The following VPS26B variants were observed in gnomAD, a reference collection of about 807,000 sequenced individuals.
VPS26B encodes VPS26 retromer complex component B.
Under a neutral mutation model 33.3 loss-of-function variants are expected in VPS26B, and 10 were observed. That is an observed-to-expected ratio of 0.30 (90% CI 0.19 to 0.51). VPS26B has a LOEUF of 0.51. Among genes scored for constraint, VPS26B ranks in the 20% least tolerant of loss-of-function variants. The pLI is 0.98. For synonymous variants in VPS26B, 190 were observed against 176.9 expected (o/e 1.07, Z -0.59); for missense variants, 317 against 452.7 (o/e 0.70, Z 2.72).
In VPS26B at chr11:134,225,227, G is replaced by T; in HGVS notation, c.105G>T (p.Glu35Asp). ...AEHKTEDGKK[E>D]KYFLFYDGET... ...ACAAGACGGAGGACGGGAAGAAGGA[G>T]AAATATTTCCTCTTCTACGACGGGG... The change falls in exon 1 of 6, where the codon GAG (glutamate) becomes GAT (aspartate). Residue 35 changes from glutamate (E) to aspartate (D), a missense_variant. Coordinates refer to ENST00000281187, the MANE Select transcript of VPS26B (RefSeq NM_052875.5). The T allele has an allele frequency of 6.2e-7, 1 of 1,614,174 alleles. No individual in the cohort carries two copies. Among genetic ancestry groups the T allele is most frequent in the East Asian group, 2.2e-5 (1 of 44,874 alleles).
At chr11:134,225,394 G>A (rs1771732771) in intron 1 of VPS26B, 49 bp downstream of exon 1, 2 of 1,591,062 alleles carry the variant, frequency 1.3e-6, no homozygotes, top group African/African-American at 2.7e-5. Flanking sequence ...AGCCGGCCGG[G>A]GAGCAGGGTG....
chr11:134,228,833 A>G (rs950047029), intron 1 of VPS26B, among the ~76,000 whole-genome samples: 6 of 152,032 alleles, frequency 3.9e-5, no homozygotes, highest in African/African-American at 1.2e-4. Context: ...TTCTTTGACT[A>G]TGTGTGAGAT....
intron 2 of VPS26B, among the ~76,000 whole-genome samples, chr11:134,237,214 A>G (rs1264210367): frequency 1.3e-5 from 2 of 152,218 alleles, no homozygotes; most frequent in Non-Finnish European, 1.5e-5. Flanking sequence ...GTCCATATGT[A>G]GCATTTGGTG....
chr11:134,225,179 A>C lies in VPS26B; in HGVS notation c.57A>C (p.Ala19=), dbSNP rs1378808831. The C allele has an allele frequency of 1.2e-6, 2 of 1,614,060 alleles. No homozygotes were observed. Among genetic ancestry groups the C allele is most frequent in the Admixed American group, 3.3e-5 (2 of 60,026 alleles). The change falls in exon 1 of 6, where the codon GCA becomes GCC. Residue 19 remains alanine, a synonymous_variant. Coordinates refer to ENST00000281187, the MANE Select transcript of VPS26B (RefSeq NM_052875.5). The stretch of plus-strand genomic sequence containing the variant: ...AGGTGGAAATCCTTCTGAACGATGC[A>C]GAGAGTAGGAAGCGGGCCGAGCACA... ...SVEVEILLND[A]ESRKRAEHKT...
At chr11:134,225,520 C>T (rs1174079299) in intron 1 of VPS26B, 175 bp downstream of exon 1, 2 of 675,836 alleles carry the variant, frequency 3.0e-6, no homozygotes. Flanking sequence ...CGTTACTGTC[C>T]TCCCTGCCAA....
rs1432918357 is a variant in VPS26B at position 134,247,336 on chromosome 11, C to T, written c.*1746C>T. 6.6e-6 allele frequency: 1 copy of T among 152,156 alleles called. No individual in the cohort carries two copies. The highest frequency in any genetic ancestry group is 2.4e-5 in the African/African-American group (1 of 41,432). The allele number at this position is 152,156 out of a possible 1,614,324, so 9.4% of individuals were successfully genotyped here. A position where few individuals can be genotyped will look rare whatever the true frequency, so the allele number is the denominator to read the frequency against. On this transcript the variant is annotated 3_prime_UTR_variant, in exon 6 of 6. Transcript: ENST00000281187. Reference sequence around the variant, plus strand: ...CAGAGCATGAGGTCAGGCTCTGTATCCCTCCTTTTCCTAGCTGATATTCTA... The same window carrying T: ...CAGAGCATGAGGTCAGGCTCTGTATTCCTCCTTTTCCTAGCTGATATTCTA...
At position 134,234,954 on chromosome 11, in the gene VPS26B, C is replaced by T. The variant is rs1938609560; in HGVS notation, c.281C>T (p.Ala94Val). The T allele has an allele frequency of 6.2e-7, 1 of 1,614,142 alleles. No individual in the cohort carries two copies. The highest frequency in any genetic ancestry group is 8.5e-7 in the Non-Finnish European group (1 of 1,180,006). ...TTTGTGTCCCTGGTGAAGGACCTGG[C>T]CCGGCCTGGAGAGATCACCCAGTCG... Reference protein sequence around the residue: ...HEFVSLVKDLARPGEITQSQA... With the variant: ...HEFVSLVKDLVRPGEITQSQA... Residue 94 changes from alanine (A) to valine (V), a missense_variant, in exon 2 of 6, where the codon GCC becomes GTC. Physicochemically the swap from Ala to Val is moderately conservative, Grantham distance 64 (BLOSUM62 0). Transcript: ENST00000281187.
At chr11:134,234,282 T>C (rs1229763034) in intron 1 of VPS26B, among the ~76,000 whole-genome samples, 1 of 152,244 alleles carries the variant, frequency 6.6e-6, no homozygotes, top group Non-Finnish European at 1.5e-5. Flanking sequence ...TCTAAGTCTT[T>C]TACCTACATC....
At chr11:134,225,366 C>T in intron 1 of VPS26B, 21 bp downstream of exon 1, 1 of 1,612,016 alleles carries the variant, frequency 6.2e-7, no homozygotes, top group Non-Finnish European at 8.5e-7. Context: ...CCCCGGGACC[C>T]CCTCCCCCAG....
chr11:134,238,926 A>G (rs1938677447), intron 2 of VPS26B, among the ~76,000 whole-genome samples: 1 of 152,218 alleles, frequency 6.6e-6, no homozygotes, highest in African/African-American at 2.4e-5. Context: ...GTAATGCTTG[A>G]CAGATGGTGG....
intron 1 of VPS26B, among the ~76,000 whole-genome samples, chr11:134,233,808 A>G (rs1267424504): frequency 6.6e-6 from 1 of 152,220 alleles, no homozygotes; most frequent in Non-Finnish European, 1.5e-5. Context: ...CTTATCTTTA[A>G]AGGGCCTGCA....
Position 134,245,032 on chromosome 11 carries a change from C to T in VPS26B, c.816C>T (p.Leu272=). The T allele has an allele frequency of 6.2e-7, 1 of 1,614,186 alleles. No individual in the cohort carries two copies. The highest frequency in any genetic ancestry group is 1.1e-5 in the South Asian group (1 of 91,088). The part of the protein sequence containing the change: ...INKKFSVRYY[L]NLVLIDEEER... ...AGAAGTTCTCTGTGCGCTATTACCT[C>T]AACCTGGTGCTGATAGACGAGGAGG... The change falls in exon 5 of 6, where the codon CTC becomes CTT. Residue 272 remains leucine, a synonymous_variant. Transcript: ENST00000281187. This position sits in a 1 kb window ranked among gnomAD's most constrained non-coding sequence, Gnocchi z 4.7.
chr11:134,226,340 A>G (rs1938470785), intron 1 of VPS26B, among the ~76,000 whole-genome samples: 1 of 152,186 alleles, frequency 6.6e-6, no homozygotes, highest in African/African-American at 2.4e-5. Flanking sequence ...CAGGAGTTCC[A>G]GGCAGCAGTG....
chr11:134,244,985 C>G lies in VPS26B; in HGVS notation c.769C>G (p.Pro257Ala). 1 of 1,614,134 alleles carries G rather than the reference C, an allele frequency of 6.2e-7. No individual in the cohort carries two copies. ...CTTCCTGGCCGGGTATGAGCTCACG[C>G]CCACCATGCGGGACATCAACAAGAA... ...RLFLAGYELT[P>A]TMRDINKKFS... The change falls in exon 5 of 6, where the codon CCC becomes GCC. Residue 257 changes from proline to alanine, a missense_variant. Physicochemically the swap from Pro to Ala is conservative, Grantham distance 27. Transcript: ENST00000281187. The surrounding 1 kb of genome is among the most constrained non-coding windows in gnomAD (Gnocchi z 4.0).
At chr11:134,228,711 A>G (rs1436441827) in intron 1 of VPS26B, among the ~76,000 whole-genome samples, 1 of 152,230 alleles carries the variant, frequency 6.6e-6, no homozygotes, top group Non-Finnish European at 1.5e-5. Context: ...GTTGTGAAGT[A>G]TTTGTGTCAT....
Position 134,225,244 on chromosome 11 carries a change from A to T in VPS26B, c.122A>T (p.Tyr41Phe). 6.2e-7 allele frequency: 1 copy of T among 1,614,114 alleles called. No individual in the cohort carries two copies. ...AAGAAGGAGAAATATTTCCTCTTCT[A>T]CGACGGGGAGACGGTCTCCGGGAAG... ...DGKKEKYFLF[Y>F]DGETVSGKVS... Residue 41 changes from tyrosine (Y) to phenylalanine (F), a missense_variant, in exon 1 of 6, where the codon TAC (tyrosine) becomes TTC (phenylalanine). Coordinates refer to ENST00000281187, the MANE Select transcript of VPS26B (RefSeq NM_052875.5).
At position 134,240,734 on chromosome 11, in the gene VPS26B, G is replaced by A. The variant is rs1296659574; in HGVS notation, c.545+579G>A. Among the ~76,000 whole-genome samples, 1 of 151,860 alleles carries A rather than the reference G, an allele frequency of 6.6e-6. No individual in the cohort carries two copies. Among genetic ancestry groups the A allele is most frequent in the Non-Finnish European group, 1.5e-5 (1 of 68,000 alleles). On this transcript the variant is annotated intron_variant, in intron 3 of 5. Transcript: ENST00000281187. The surrounding 1 kb of genome is among the most constrained non-coding windows in gnomAD (Gnocchi z 4.4). ...CACCTCCGCCCCTACAAGTAGCTAG[G>A]AGCACAGGCATGCACCGCCACACCC...
chr11:134,238,879 AC>A (rs949635172), intron 2 of VPS26B, among the ~76,000 whole-genome samples: 1 of 151,996 alleles, frequency 6.6e-6, no homozygotes, highest in Non-Finnish European at 1.5e-5. Context: ...ACAGGCGTGA[AC>A]CACCGCGCCT....
rs35378544 is a variant in VPS26B at position 134,240,030 on chromosome 11, T to C, written c.420T>C (p.Asp140=). The change falls in exon 3 of 6, where the codon GAT becomes GAC. Residue 140 remains aspartate (D), a synonymous_variant. Transcript: ENST00000281187. The surrounding 1 kb of genome is among the most constrained non-coding windows in gnomAD (Gnocchi z 4.4). ...LRATISRRLN[D]VVKEMDIVVH... is the part of the protein sequence containing the mutation. ...CTACCATCAGCCGCCGCCTCAATGA[T>C]GTTGTCAAAGAGATGGACATTGTAG... The C allele has an allele frequency of 0.038, 60,873 of 1,614,142 alleles. 1,331 individuals carry two copies. The highest frequency in any genetic ancestry group is 0.044 in the African/African-American group (3,311 of 75,010).
Sources: allele counts gnomAD v4.1 joint callset (sites outside exome capture counted in the v4.1 genomes callset), GRCh38; gene constraint gnomAD v4.1.1; non-coding constraint Gnocchi (gnomAD v3.1); transcripts MANE v1.5; gene names NCBI Gene and HGNC (gene_info 2026-07-23, HGNC 2026-07-21).